SYT16: variants seen among roughly 807,000 people sequenced by gnomAD.
SYT16 encodes the protein synaptotagmin-16.
SYT16 carries 42 observed loss-of-function variants against 61.4 expected under a neutral mutation model. That is an observed-to-expected ratio of 0.68 (90% CI 0.53 to 0.89). The LOEUF (loss-of-function observed/expected upper bound fraction) is 0.89, where lower values mean the gene tolerates loss of function less well. SYT16 is among the 40% of genes least tolerant of loss of function. SYT16 has a pLI of 0.00. For synonymous variants in SYT16, 314 were observed against 302.3 expected, an observed-to-expected ratio of 1.04 and a Z score of -0.40; for missense variants, 804 against 807.3, an observed-to-expected ratio of 1.00 and a Z score of 0.05.
chr14:62,061,897 C>A (rs1010024636), intron 3 of SYT16, among the ~76,000 whole-genome samples: 1 of 152,110 alleles, frequency 6.6e-6, no homozygotes, highest in African/African-American at 2.4e-5. Context: ...TGGATCTCCT[C>A]CAATTTCTGC....
chr14:62,072,428 T>C (rs1370521909), intron 4 of SYT16, among the ~76,000 whole-genome samples: 3 of 151,936 alleles, frequency 2.0e-5, no homozygotes, highest in East Asian at 1.9e-4. Context: ...TTGCAAAGAA[T>C]TGGGAAGGTG....
At chr14:61,990,545 A>G (rs1242870362) in intron 2 of SYT16, among the ~76,000 whole-genome samples, 1 of 152,180 alleles carries the variant, frequency 6.6e-6, no homozygotes, top group Non-Finnish European at 1.5e-5. Context: ...ATATTATTGG[A>G]AACATGTTCT....
At chr14:61,971,198 G>A (rs937048064) in intron 2 of SYT16, among the ~76,000 whole-genome samples, 1 of 152,170 alleles carries the variant, frequency 6.6e-6, no homozygotes, top group African/African-American at 2.4e-5. Flanking sequence ...AAGGCATAAT[G>A]TAGGAATAAA....
chr14:62,084,087 G>C (rs1018832368), intron 6 of SYT16, 109 bp from the exon 7 acceptor site: 1 of 1,332,374 alleles, frequency 7.5e-7, no homozygotes, highest in Non-Finnish European at 1.0e-6. Context: ...GTCATCTTTG[G>C]CAGTCATTGG....
intron 1 of SYT16, chr14:61,831,979 G>T: frequency 1.7e-6 from 1 of 602,854 alleles, no homozygotes; most frequent in South Asian, 1.6e-5. Flanking sequence ...TCAAAGGTGT[G>T]CGGGATGGGG....
intron 2 of SYT16, among the ~76,000 whole-genome samples, chr14:61,992,597 C>T (rs373695283): frequency 7.2e-5 from 11 of 152,142 alleles, no homozygotes; most frequent in South Asian, 2.1e-4. Flanking sequence ...CCTTTAGGAT[C>T]CCCCCAGCAC....
chr14:62,037,633 G>A (rs1026451326), intron 3 of SYT16, among the ~76,000 whole-genome samples: 1 of 151,010 alleles, frequency 6.6e-6, no homozygotes, highest in Non-Finnish European at 1.5e-5. Flanking sequence ...AATTATTAAT[G>A]TGTTTTATTA....
At chr14:62,063,865 A>C (rs1039156606) in intron 3 of SYT16, among the ~76,000 whole-genome samples, 1 of 152,186 alleles carries the variant, frequency 6.6e-6, no homozygotes, top group African/African-American at 2.4e-5. Context: ...TGTGTTAATA[A>C]AGGGATGAAG....
At chr14:62,058,404 C>G (rs2055666997) in intron 3 of SYT16, among the ~76,000 whole-genome samples, 1 of 144,758 alleles carries the variant, frequency 6.9e-6, no homozygotes, top group Non-Finnish European at 1.5e-5. Flanking sequence ...GTCACCCAGG[C>G]TGGAGTGCAG....
At chr14:61,957,731 A>G (rs970503928) in intron 1 of SYT16, among the ~76,000 whole-genome samples, 1 of 151,786 alleles carries the variant, frequency 6.6e-6, no homozygotes, top group Admixed American at 6.6e-5. Context: ...AGATTTTTGT[A>G]TATTCATTTA....
rs117591681 is a variant in SYT16, at chr14:62,092,143, C to T, written c.1624+7758C>T. 9.4e-3 allele frequency among the ~76,000 whole-genome samples: 1,399 copies of T among 149,596 alleles called. 9 individuals are homozygous for T. Among genetic ancestry groups the T allele is most frequent in the East Asian group, 0.039 (199 of 5,082 alleles). ...TGCAAATCAAAACTACAGTGAGATA[C>T]CACCTCATACCCATTAGGATGGCTA... On this transcript the variant is annotated intron_variant, in intron 7 of 7. Transcript: ENST00000683842.
intron 2 of SYT16, among the ~76,000 whole-genome samples, chr14:61,989,746 C>G (rs1037110886): frequency 6.6e-6 from 1 of 152,162 alleles, no homozygotes; most frequent in Non-Finnish European, 1.5e-5. Context: ...AGATCCAAGA[C>G]AGCCTTGTTT....
chr14:62,042,546 G>A (rs1595239021), intron 3 of SYT16, among the ~76,000 whole-genome samples: 1 of 152,134 alleles, frequency 6.6e-6, no homozygotes, highest in Non-Finnish European at 1.5e-5. Flanking sequence ...TTAATAATGA[G>A]GTTTCCATTC....
At chr14:61,837,595 C>G (rs1489490746) in intron 1 of SYT16, among the ~76,000 whole-genome samples, 1 of 152,276 alleles carries the variant, frequency 6.6e-6, no homozygotes, top group East Asian at 1.9e-4. Flanking sequence ...CTCACAAAGG[C>G]TCTTGGAGGG....
intron 3 of SYT16, among the ~76,000 whole-genome samples, chr14:62,030,800 T>C (rs2054283933): frequency 6.6e-6 from 1 of 152,228 alleles, no homozygotes; most frequent in African/African-American, 2.4e-5. Context: ...GCCTTTTGTA[T>C]TTATAAAATG....
At chr14:61,958,215 A>G (rs1250503034) in intron 1 of SYT16, among the ~76,000 whole-genome samples, 1 of 151,356 alleles carries the variant, frequency 6.6e-6, no homozygotes, top group Non-Finnish European at 1.5e-5. Context: ...TTATCTTTTC[A>G]GAAAAACAAC....
At chr14:62,049,733 T>C (rs868867354) in intron 3 of SYT16, among the ~76,000 whole-genome samples, 2 of 152,224 alleles carry the variant, frequency 1.3e-5, no homozygotes, top group African/African-American at 4.8e-5. Context: ...TCTTCACTTA[T>C]GAAGCTTAGT....
intron 1 of SYT16, among the ~76,000 whole-genome samples, chr14:61,844,890 G>C (rs1021537460): frequency 6.6e-6 from 1 of 152,068 alleles, no homozygotes; most frequent in Non-Finnish European, 1.5e-5. Context: ...GGCAATTCTG[G>C]CATTATAGAA....
intron 6 of SYT16, among the ~76,000 whole-genome samples, chr14:62,083,397 G>A (rs982017212): frequency 3.9e-5 from 6 of 152,136 alleles, no homozygotes; most frequent in African/African-American, 1.4e-4. Context: ...TCCTACTCCC[G>A]TGCCTTGAGG....
Sources: allele counts gnomAD v4.1 joint callset (sites outside exome capture counted in the v4.1 genomes callset), GRCh38; gene constraint gnomAD v4.1.1; transcripts MANE v1.5; gene names NCBI Gene and HGNC (gene_info 2026-07-23, HGNC 2026-07-21).